Variants in CIRBP observed in about 807,000 individuals in gnomAD.
The protein encoded by CIRBP is cold inducible RNA binding protein.
A neutral mutation model predicts 22.3 loss-of-function variants in CIRBP; 11 were observed. The ratio of observed to expected loss-of-function variants is 0.49; its 90% confidence interval spans 0.31 to 0.82. The LOEUF is 0.82. CIRBP is among the 40% of genes least tolerant of loss of function. The pLI, the probability that CIRBP is intolerant of heterozygous loss-of-function variation, is 0.05. For synonymous variants in CIRBP, 216 were observed against 158.8 expected (o/e 1.36, Z -2.71); for missense variants, 456 against 402.7 (o/e 1.13, Z -1.13).
rs971574569 is a variant in CIRBP, at chr19:1,272,381, C to G, written c.832C>G (p.Leu278Val). 4 of 1,601,974 alleles carry G rather than the reference C, an allele frequency of 2.5e-6. No individual in the cohort carries two copies. The highest frequency in any genetic ancestry group is 3.4e-6 in the Non-Finnish European group (4 of 1,174,894). ...TCTGGCCTCTGGGGTGAAGCTGCCT[C>G]TTGTTGCTTCGGTGCCTTTACACTG... Reference protein sequence around the residue: ...PGLASGVKLPLVASVPLHCAC... With the variant: ...PGLASGVKLPVVASVPLHCAC... Residue 278 changes from leucine (L) to valine (V), a missense_variant, in exon 6 of 6, where the codon CTT becomes GTT. Physicochemically the swap from Leu to Val is conservative, Grantham distance 32. Coordinates refer to ENST00000587896, the MANE Select transcript of CIRBP (RefSeq NM_001300829.2).
In CIRBP at chr19:1,271,484, G is replaced by A; in HGVS notation, c.349+17G>A. 6.2e-7 allele frequency: 1 copy of A among 1,603,696 alleles called. No homozygotes were observed. ...TCTCTAGAGGTGAGTGCCATGAGTG[G>A]GTCCCTTGGGGATGCTGTGAGGTAC... is the stretch of plus-strand genomic sequence containing the variant. On this transcript the variant is annotated intron_variant, in intron 4 of 5. Transcript: ENST00000587896.
intron 2 of CIRBP, 31 bp from the exon 3 acceptor site, chr19:1,271,109 T>G (rs1185400561): frequency 6.2e-7 from 1 of 1,611,308 alleles, no homozygotes; most frequent in East Asian, 2.2e-5. Context: ...TACAGCTGGG[T>G]GCTGACTGCA....
intron 1 of CIRBP, chr19:1,269,907 T>C (rs769943001): frequency 1.9e-6 from 1 of 519,906 alleles, no homozygotes; most frequent in East Asian, 5.4e-5. Flanking sequence ...CGTGGCCCGT[T>C]CTAGTGTGGT....
In CIRBP at chr19:1,271,699, G is replaced by C. The variant is rs1034579398; in HGVS notation, c.431+67G>C. On this transcript the variant is annotated intron_variant, in intron 5 of 5. Coordinates refer to ENST00000587896, the MANE Select transcript of CIRBP (RefSeq NM_001300829.2). ...TGGCCAGCTTCCGTCCCGGGTCCCA[G>C]GTCCCTGGGGGAGCTGAGATGAGAC... 6 of 1,038,766 alleles carry C rather than the reference G, an allele frequency of 5.8e-6. No homozygotes were observed. In the African/African-American group the frequency reaches 6.5e-5, roughly 11 times the overall value. The allele number at this position is 1,038,766 out of a possible 1,614,324, so 64.3% of individuals were successfully genotyped here. A position where few individuals can be genotyped will look rare whatever the true frequency, so the allele number is the denominator to read the frequency against.
rs1265918411 is a variant in CIRBP, at chr19:1,273,782, A to C, written c.*1339A>C. Reference sequence around the variant, plus strand: ...CTCACTGAAAGTCATGTGCCCGGGGAATGTTCCTGTGACTGTTTTTTGTTT... The same window carrying C: ...CTCACTGAAAGTCATGTGCCCGGGGCATGTTCCTGTGACTGTTTTTTGTTT... On this transcript the variant is annotated 3_prime_UTR_variant, in exon 6 of 6. Transcript: ENST00000587896. 2.0e-5 allele frequency: 3 copies of C among 151,802 alleles called. No individual in the cohort carries two copies. Among genetic ancestry groups the C allele is most frequent in the African/African-American group, 7.3e-5 (3 of 41,268 alleles). The allele number at this position is 151,802 out of a possible 1,614,324, so 9.4% of individuals were successfully genotyped here. A position where few individuals can be genotyped will look rare whatever the true frequency, so the allele number is the denominator to read the frequency against.
At position 1,272,152 on chromosome 19, in the gene CIRBP, T is replaced by A; in HGVS notation, c.603T>A (p.Pro201=). 1 of 1,611,066 alleles carries A rather than the reference T, an allele frequency of 6.2e-7. No homozygotes were observed. The highest frequency in any genetic ancestry group is 8.5e-7 in the Non-Finnish European group (1 of 1,179,048). ...SPSTLGWTLR[P]CHCACPEEAH... ...GCACTTTAGGCTGGACACTCAGACC[T>A]TGTCACTGTGCTTGCCCAGAAGAGG... The change falls in exon 6 of 6, where the codon CCT becomes CCA. Residue 201 remains proline, a synonymous_variant. Transcript: ENST00000587896.
rs2081388238 is a variant in CIRBP, at chr19:1,274,336, AG to A, written c.*1896del. On this transcript the variant is annotated 3_prime_UTR_variant, in exon 6 of 6. Coordinates refer to ENST00000587896, the MANE Select transcript of CIRBP (RefSeq NM_001300829.2). ...AAGGGGCCCGGCCAGGACTCGGGGAAGGGTGGCCTGAGAGCAGCGATGACCT... is the reference window on the plus strand; with the variant it reads ...AAGGGGCCCGGCCAGGACTCGGGGAAGGTGGCCTGAGAGCAGCGATGACCT... The A allele has an allele frequency of 5.0e-6, 2 of 401,170 alleles. No homozygotes were observed. The highest frequency in any genetic ancestry group is 8.8e-6 in the Non-Finnish European group (2 of 226,330). The allele number at this position is 401,170 out of a possible 1,614,324, so 24.9% of individuals were successfully genotyped here.
At position 1,271,990 on chromosome 19, in the gene CIRBP, G is replaced by C. The variant is rs1167003689; in HGVS notation, c.441G>C (p.Gln147His). 3.7e-6 allele frequency: 6 copies of C among 1,608,142 alleles called. No individual in the cohort carries two copies. The highest frequency in any genetic ancestry group is 4.3e-6 in the Non-Finnish European group (5 of 1,175,118). ...TTTGTCTGTCTTGCAGCCGGAGTCA[G>C]AGTGGTGGCTACAGTGACCGGAGCT... ...GSRDYYSSRS[Q>H]SGGYSDRSSG... The change falls in exon 6 of 6, where the codon CAG becomes CAC. Residue 147 changes from glutamine (Q) to histidine (H), a missense_variant. Coordinates refer to ENST00000587896, the MANE Select transcript of CIRBP (RefSeq NM_001300829.2).
Position 1,273,661 on chromosome 19 carries a change from G to A in CIRBP, c.*1218G>A, listed in dbSNP as rs1040880877. 1 of 152,254 alleles carries A rather than the reference G, an allele frequency of 6.6e-6. No homozygotes were observed. The highest frequency in any genetic ancestry group is 2.4e-5 in the African/African-American group (1 of 41,450). 9.4% of individuals were successfully genotyped at this position (152,254 alleles called of 1,614,324 possible). A position where few individuals can be genotyped will look rare whatever the true frequency, so the allele number is the denominator to read the frequency against. ...TTGTGCGCCCAACAGAACCCTCTGAGACGCAAGCTGCTCCCTTGGCTAGCT... is the reference window on the plus strand; with the variant it reads ...TTGTGCGCCCAACAGAACCCTCTGAAACGCAAGCTGCTCCCTTGGCTAGCT... On this transcript the variant is annotated 3_prime_UTR_variant, in exon 6 of 6. Transcript: ENST00000587896.
rs1464490631 is a variant in CIRBP, at chr19:1,271,398, C to T, written c.280C>T (p.Arg94Cys). The change falls in exon 4 of 6, where the codon CGT (arginine) becomes TGT (cysteine). Residue 94 changes from arginine to cysteine, a missense_variant. Around this residue, in one of 2 missense-constraint regions of CIRBP, gnomAD observed 426 missense variants for 339.6 expected, o/e 1.25. Transcript: ENST00000587896. ...GTCAGACAACCGATCCCGTGGGTAC[C>T]GTGGTGGCTCTGCCGGGGGCCGGGG... ...KSSDNRSRGY[R>C]GGSAGGRGFF... 2.4e-5 allele frequency: 38 copies of T among 1,613,676 alleles called. No individual in the cohort carries two copies. The highest frequency in any genetic ancestry group is 3.1e-5 in the Non-Finnish European group (37 of 1,179,980).
intron 1 of CIRBP, among the ~76,000 whole-genome samples, chr19:1,270,616 T>A (rs1011325296): frequency 9.2e-5 from 14 of 151,492 alleles, no homozygotes; most frequent in African/African-American, 3.4e-4. Context: ...AAAACAAATT[T>A]AAAAAAATTA....
downstream of CIRBP, chr19:1,274,827 A>AG (rs144611164): frequency 0.012 from 1,812 of 153,064 alleles, 43 homozygotes; most frequent in African/African-American, 0.042. Context: ...TCTGTGGTTC[A>AG]GGGGGGTCTG....
rs538414022 is a variant in CIRBP, at chr19:1,271,213, C to T, written c.177C>T (p.Asp59=). 7 of 1,613,988 alleles carry T rather than the reference C, an allele frequency of 4.3e-6. No individual in the cohort carries two copies. Among genetic ancestry groups the T allele is most frequent in the Admixed American group, 1.7e-5 (1 of 60,018 alleles). ...TTGTCACCTTTGAGAACATTGACGA[C>T]GCTAAGGATGCCATGATGGCCATGA... ...FGFVTFENID[D]AKDAMMAMNG... Residue 59 remains aspartate, a synonymous_variant, in exon 3 of 6, where the codon GAC becomes GAT. Coordinates refer to ENST00000587896, the MANE Select transcript of CIRBP (RefSeq NM_001300829.2).
At position 1,271,261 on chromosome 19, in the gene CIRBP, G is replaced by A; in HGVS notation, c.210+15G>A. 1 of 1,614,026 alleles carries A rather than the reference G, an allele frequency of 6.2e-7. No individual in the cohort carries two copies. The highest frequency in any genetic ancestry group is 1.1e-5 in the South Asian group (1 of 91,082). On this transcript the variant is annotated intron_variant, in intron 3 of 5. Transcript: ENST00000587896. ...TGAATGGGAAGGTGAGGATCAGGGT[G>A]CTGAGCAGGAGTCCCGTCTCGAGGA...
intron 4 of CIRBP, 29 bp downstream of exon 4, chr19:1,271,496 A>T: frequency 1.2e-5 from 19 of 1,602,824 alleles, no homozygotes; most frequent in Non-Finnish European, 1.6e-5. Context: ...TCCCTTGGGG[A>T]TGCTGTGAGG....
chr19:1,269,967 C>T (rs1471086360), intron 1 of CIRBP: 3 of 519,782 alleles, frequency 5.8e-6, no homozygotes, highest in African/African-American at 1.9e-5. Flanking sequence ...TCCAAGTTGG[C>T]ACAGCTCCCA....
chr19:1,273,943 T>G lies in CIRBP; in HGVS notation c.*1500T>G. On this transcript the variant is annotated 3_prime_UTR_variant, in exon 6 of 6. Coordinates refer to ENST00000587896, the MANE Select transcript of CIRBP (RefSeq NM_001300829.2). ...TGCCTGGCTCATAGATGAAATCCCT[T>G]AAGCAGGATTGAAGACCAGTGAACG... The G allele has an allele frequency of 5.1e-6, 1 of 196,350 alleles. No individual in the cohort carries two copies. Among genetic ancestry groups the G allele is most frequent in the Non-Finnish European group, 1.0e-5 (1 of 97,704 alleles). 12.2% of individuals were successfully genotyped at this position (196,350 alleles called of 1,614,324 possible). A position where few individuals can be genotyped will look rare whatever the true frequency, so the allele number is the denominator to read the frequency against.
rs776560463 is a variant in CIRBP at position 1,272,397 on chromosome 19, C to T, written c.848C>T (p.Pro283Leu). The T allele has an allele frequency of 2.5e-6, 4 of 1,586,370 alleles. No individual in the cohort carries two copies. The highest frequency in any genetic ancestry group is 1.8e-5 in the Admixed American group (1 of 54,138). The change falls in exon 6 of 6, where the codon CCT becomes CTT. Residue 283 changes from proline (P) to leucine (L), a missense_variant. Physicochemically the swap from Pro to Leu is moderately conservative, Grantham distance 98. Around this residue, in one of 2 missense-constraint regions of CIRBP, gnomAD observed 426 missense variants for 339.6 expected, o/e 1.25. Transcript: ENST00000587896. ...AAGCTGCCTCTTGTTGCTTCGGTGC[C>T]TTTACACTGTGCCTGCTTCTTGTCC... ...GVKLPLVASV[P>L]LHCACFLSSA...
At chr19:1,271,653 A>G (rs1021846515) in intron 5 of CIRBP, 21 bp downstream of exon 5, 2 of 1,432,848 alleles carry the variant, frequency 1.4e-6, no homozygotes, top group Non-Finnish European at 1.9e-6. Context: ...GGCCGGCCCA[A>G]GCACAGGGGT....
Sources: allele counts gnomAD v4.1 joint callset (sites outside exome capture counted in the v4.1 genomes callset), GRCh38; gene constraint gnomAD v4.1.1; regional missense constraint gnomAD v4.1.1; transcripts MANE v1.5; gene names NCBI Gene and HGNC (gene_info 2026-07-23, HGNC 2026-07-21).